Variants in TMEM117 observed in about 807,000 individuals in gnomAD.
TMEM117 encodes the protein transmembrane protein 117.
TMEM117 carries 27 observed loss-of-function variants against 52.4 expected under a neutral mutation model. That is an observed-to-expected ratio of 0.51 (90% CI 0.38 to 0.71). TMEM117 has a LOEUF of 0.71. TMEM117 is among the 30% of genes least tolerant of loss of function. The pLI, the probability that TMEM117 is intolerant of heterozygous loss-of-function variation, is 0.00. For missense variants in TMEM117, 556 were observed against 630.5 expected, an observed-to-expected ratio of 0.88 and a Z score of 1.26; for synonymous variants, 215 against 206.3, an observed-to-expected ratio of 1.04 and a Z score of -0.36.
intron 3 of TMEM117, among the ~76,000 whole-genome samples, chr12:43,971,785 C>T (rs1945591515): frequency 6.6e-6 from 1 of 152,156 alleles, no homozygotes; most frequent in Non-Finnish European, 1.5e-5. Flanking sequence ...GTCCTCTTAA[C>T]AAATTTTAAA....
In TMEM117 at chr12:43,873,205, G is replaced by A. The variant is rs192014709; in HGVS notation, c.277+28277G>A. ...GAAGGATAATACTTAGTGAATTTGA[G>A]TTCTCAAAGTACTGACTTACAGTTT... On this transcript the variant is annotated intron_variant, in intron 2 of 7. Coordinates refer to ENST00000266534, the MANE Select transcript of TMEM117 (RefSeq NM_032256.3). 2.2e-4 allele frequency among the ~76,000 whole-genome samples: 33 copies of A among 152,250 alleles called. No homozygotes were observed. In the East Asian group the frequency reaches 4.0e-3, roughly 19 times the overall value.
intron 6 of TMEM117, among the ~76,000 whole-genome samples, chr12:44,373,425 C>T (rs1041957548): frequency 2.6e-5 from 4 of 152,362 alleles, no homozygotes; most frequent in African/African-American, 4.8e-5. Flanking sequence ...AAGGAGAACA[C>T]GACTTTCTTC....
At chr12:44,156,268 A>G (rs1319778036) in intron 4 of TMEM117, among the ~76,000 whole-genome samples, 1 of 152,136 alleles carries the variant, frequency 6.6e-6, no homozygotes, top group African/African-American at 2.4e-5. Context: ...AAGTGTGTGC[A>G]GATGTGTACT....
At chr12:44,245,471 T>C (rs569403504) in intron 5 of TMEM117, among the ~76,000 whole-genome samples, 12 of 152,138 alleles carry the variant, frequency 7.9e-5, no homozygotes, top group African/African-American at 2.9e-4. Flanking sequence ...GTAAATGGGA[T>C]TGTTTTTTAA....
chr12:44,318,258 G>C (rs923783662), intron 6 of TMEM117: 1 of 152,628 alleles, frequency 6.6e-6, no homozygotes, highest in South Asian at 2.1e-4. Context: ...GCACAGGAGG[G>C]GTGGGAGACT....
chr12:44,085,884 A>T (rs895600534), intron 3 of TMEM117, among the ~76,000 whole-genome samples: 1 of 152,180 alleles, frequency 6.6e-6, no homozygotes, highest in Non-Finnish European at 1.5e-5. Context: ...AATAAAGCAG[A>T]GCTTCTTTCA....
At chr12:44,207,692 G>A (rs1269883694) in intron 4 of TMEM117, among the ~76,000 whole-genome samples, 1 of 151,396 alleles carries the variant, frequency 6.6e-6, no homozygotes, top group Non-Finnish European at 1.5e-5. Context: ...TCTCAGATAC[G>A]AACAACAACA....
At chr12:44,010,012 G>A (rs1946263531) in intron 3 of TMEM117, 1 of 332,456 alleles carries the variant, frequency 3.0e-6, no homozygotes, top group Admixed American at 3.4e-5. Context: ...GTGCCCTCAG[G>A]CCGAGATACT....
chr12:44,286,108 C>G (rs1002580261), intron 5 of TMEM117, among the ~76,000 whole-genome samples: 2 of 151,948 alleles, frequency 1.3e-5, no homozygotes, highest in Non-Finnish European at 2.9e-5. Context: ...CTGTAAGAAA[C>G]TGATACATTA....
intron 5 of TMEM117, among the ~76,000 whole-genome samples, chr12:44,254,220 C>A (rs1476615524): frequency 6.6e-6 from 1 of 151,854 alleles, no homozygotes; most frequent in East Asian, 1.9e-4. Context: ...ATATTCTTGA[C>A]AGAAAATAGT....
rs1951591190 is a variant in TMEM117 at position 44,353,182 on chromosome 12, G to C, written c.769-23413G>C. Among the ~76,000 whole-genome samples, 3 of 152,160 alleles carry C rather than the reference G, an allele frequency of 2.0e-5. No individual in the cohort carries two copies. The South Asian group carries it at 6.2e-4, about 32-fold the overall frequency. On this transcript the variant is annotated intron_variant, in intron 6 of 7. Coordinates refer to ENST00000266534, the MANE Select transcript of TMEM117 (RefSeq NM_032256.3). ...TGTAAATTTGTTTGAGTTCATTGTA[G>C]ATTCTGGATATTAGCCCTTTGTCAG...
chr12:43,800,627 A>G, the TMEM117 span: 1 of 917,664 alleles, frequency 1.1e-6, no homozygotes, highest in South Asian at 1.6e-5. Context: ...AATCACATTA[A>G]AAACAAAACT....
intron 6 of TMEM117, among the ~76,000 whole-genome samples, chr12:44,373,045 A>C (rs1398507160): frequency 6.6e-6 from 1 of 152,268 alleles, no homozygotes; most frequent in Non-Finnish European, 1.5e-5. Flanking sequence ...GGTTTTGTAT[A>C]TAAGTATATA....
chr12:44,117,628 AT>A lies in TMEM117; in HGVS notation c.411-25896del, dbSNP rs560294980. On this transcript the variant is annotated intron_variant, in intron 3 of 7. Coordinates refer to ENST00000266534, the MANE Select transcript of TMEM117 (RefSeq NM_032256.3). ...GGTTTTGAGAATGAAACTAGGCCAT[AT>A]CTTGTTTTTGACCAGTGAAGGGGAA... Among the ~76,000 whole-genome samples the A allele has an allele frequency of 2.6e-5, 4 of 152,228 alleles. No homozygotes were observed. The South Asian group carries it at 8.3e-4, about 32-fold the overall frequency.
intron 6 of TMEM117, among the ~76,000 whole-genome samples, chr12:44,365,627 C>T (rs1174764398): frequency 6.6e-6 from 1 of 151,912 alleles, no homozygotes. Context: ...TATATATTTG[C>T]GTGTGGTTTA....
At chr12:44,164,854 G>A (rs376902816) in intron 4 of TMEM117, among the ~76,000 whole-genome samples, 8 of 152,130 alleles carry the variant, frequency 5.3e-5, no homozygotes, top group Non-Finnish European at 8.8e-5. Flanking sequence ...TGCATGCAAC[G>A]TGTAATGATT....
chr12:43,999,013 A>G (rs551892800), intron 3 of TMEM117, among the ~76,000 whole-genome samples: 15 of 152,226 alleles, frequency 9.9e-5, no homozygotes, highest in Non-Finnish European at 2.1e-4. Flanking sequence ...ACTCACTAGG[A>G]AGGCTAAAAT....
rs565682821 is a variant in TMEM117, at chr12:44,221,048, A to G, written c.608+9661A>G. Among the ~76,000 whole-genome samples the G allele has an allele frequency of 2.0e-5, 3 of 152,262 alleles. No individual in the cohort carries two copies. The South Asian group carries it at 6.2e-4, about 32-fold the overall frequency. On this transcript the variant is annotated intron_variant, in intron 5 of 7. Coordinates refer to ENST00000266534, the MANE Select transcript of TMEM117 (RefSeq NM_032256.3). ...GAACTGAACTTTGTGACTTGCTTCC[A>G]AAGAATAGACTGTGGAAAGTGGCGG...
chr12:43,993,900 G>A (rs182573957), intron 3 of TMEM117, among the ~76,000 whole-genome samples: 4 of 152,172 alleles, frequency 2.6e-5, no homozygotes, highest in East Asian at 1.9e-4. Context: ...TTGCCATGTC[G>A]TACAGGCTGG....
Sources: gnomAD v4.1 joint callset for allele counts (sites outside exome capture counted in the v4.1 genomes callset) on GRCh38, gnomAD v4.1.1 for gene constraint, MANE v1.5 for transcripts, NCBI Gene and HGNC (gene_info 2026-07-23, HGNC 2026-07-21) for gene names.